Variants in IPP observed in about 807,000 individuals in gnomAD.
The protein encoded by IPP is intracisternal A particle-promoted polypeptide, also known as actin-binding protein IPP.
A neutral mutation model predicts 64.1 loss-of-function variants in IPP; 41 were observed. That is an observed-to-expected ratio of 0.64 (90% CI 0.50 to 0.83). The LOEUF (loss-of-function observed/expected upper bound fraction) is 0.83, where lower values mean the gene tolerates loss of function less well. Among genes scored for constraint, IPP ranks in the 40% least tolerant of loss-of-function variants. IPP has a pLI of 0.00. For missense variants in IPP, 649 were observed against 703.0 expected, an observed-to-expected ratio of 0.92 and a Z score of 0.87; for synonymous variants, 214 against 235.2, an observed-to-expected ratio of 0.91 and a Z score of 0.83.
chr1:45,740,981 C>T lies in IPP; in HGVS notation c.644G>A (p.Arg215Lys). The change falls in exon 3 of 9, where the codon AGA becomes AAA. Residue 215 changes from arginine to lysine, a missense_variant. Physicochemically the swap from Arg to Lys is conservative, Grantham distance 26. Coordinates refer to ENST00000396478, the MANE Select transcript of IPP (RefSeq NM_005897.3). ...MQWILKDLGK[R>K]RKHVVEVLDP... is the part of the protein sequence containing the mutation. ...TAGCACTTCCACCACATGTTTTCTTCTTTTTCCCAAATCTTTCAGAATCCA... is the reference window on the plus strand; with the variant it reads ...TAGCACTTCCACCACATGTTTTCTTTTTTTTCCCAAATCTTTCAGAATCCA... 1.2e-6 allele frequency: 2 copies of T among 1,613,926 alleles called. No homozygotes were observed. The highest frequency in any genetic ancestry group is 1.1e-5 in the South Asian group (1 of 91,044).
chr1:45,708,283 C>T (rs1051040216), intron 8 of IPP, among the ~76,000 whole-genome samples: 1 of 151,638 alleles, frequency 6.6e-6, no homozygotes, highest in Non-Finnish European at 1.5e-5. Context: ...CCAGGATGCT[C>T]TCAATCTCCT....
chr1:45,730,471 C>T lies in IPP; in HGVS notation c.725-702G>A, dbSNP rs147335769. On this transcript the variant is annotated intron_variant, in intron 3 of 8. Coordinates refer to ENST00000396478, the MANE Select transcript of IPP (RefSeq NM_005897.3). ...CACAAATTCTATACTTACAACGTAACAAAAAAGATATAAAATTATGTCATT... is the reference window on the plus strand; with the variant it reads ...CACAAATTCTATACTTACAACGTAATAAAAAAGATATAAAATTATGTCATT... Among the ~76,000 whole-genome samples the T allele has an allele frequency of 2.8e-3, 426 of 151,740 alleles. 1 individual carries two copies. The highest frequency in any genetic ancestry group is 9.8e-3 in the African/African-American group (406 of 41,406).
intron 5 of IPP, among the ~76,000 whole-genome samples, chr1:45,722,559 T>A (rs1394527513): frequency 3.6e-5 from 4 of 112,588 alleles, no homozygotes; most frequent in African/African-American, 1.2e-4. Flanking sequence ...AATAAAAAAA[T>A]GAAATAAAAA....
At chr1:45,698,561 A>G (rs1322430148), downstream of IPP, 2 of 410,696 alleles carry the variant, frequency 4.9e-6, no homozygotes, top group Admixed American at 6.4e-5. Context: ...AGCCCTCTAC[A>G]TCCAAGCAGT....
Position 45,724,899 on chromosome 1 carries a change from G to GC in IPP, c.1048+2731dup, listed in dbSNP as rs1420923569. 4.8e-5 allele frequency among the ~76,000 whole-genome samples: 7 copies of GC among 147,184 alleles called. No homozygotes were observed. The South Asian group carries it at 6.6e-4, about 14-fold the overall frequency. On this transcript the variant is annotated intron_variant, in intron 5 of 8. Transcript: ENST00000396478. ...TCGGGGAGGGAGGTGGGGGGGGTCA[G>GC]CCCCCCGCCCGGCCAGCCGCCCCGT...
chr1:45,694,443 A>G, downstream of IPP: 3 of 1,526,720 alleles, frequency 2.0e-6, no homozygotes, highest in Non-Finnish European at 2.7e-6. Context: ...CCCCTTTGTT[A>G]GAGTCTTGTG....
At chr1:45,744,262 C>T (rs1018717173) in intron 2 of IPP, among the ~76,000 whole-genome samples, 3 of 152,092 alleles carry the variant, frequency 2.0e-5, no homozygotes, top group African/African-American at 7.2e-5. Context: ...AGTGATCATC[C>T]CATCTCAGCC....
intron 3 of IPP, among the ~76,000 whole-genome samples, chr1:45,734,254 C>T (rs866313143): frequency 3.3e-5 from 5 of 152,042 alleles, no homozygotes; most frequent in African/African-American, 1.2e-4. Context: ...TAATGATTTT[C>T]ATCTTTTGTC....
At chr1:45,716,095 T>C (rs1284084483) in intron 7 of IPP, among the ~76,000 whole-genome samples, 1 of 152,184 alleles carries the variant, frequency 6.6e-6, no homozygotes. Flanking sequence ...CTCAAGAGTA[T>C]AGTAGACAAT....
chr1:45,730,347 G>T (rs1489036066), intron 3 of IPP, among the ~76,000 whole-genome samples: 2 of 149,672 alleles, frequency 1.3e-5, no homozygotes, highest in Non-Finnish European at 3.0e-5. Context: ...GTGAGATTCT[G>T]TCTCAAAAAT....
chr1:45,731,704 G>C (rs1189205989), intron 3 of IPP, among the ~76,000 whole-genome samples: 3 of 151,948 alleles, frequency 2.0e-5, no homozygotes, highest in Non-Finnish European at 4.4e-5. Flanking sequence ...GGGAGGCCGA[G>C]GGGGGTGAAT....
rs1006602465 is a variant in IPP at position 45,699,165 on chromosome 1, C to T, written c.*801G>A. The T allele has an allele frequency of 3.0e-6, 3 of 985,262 alleles. No homozygotes were observed. The African/African-American group carries it at 5.2e-5, about 17-fold the overall frequency. 61.0% of individuals were successfully genotyped at this position (985,262 alleles called of 1,614,324 possible). A position where few individuals can be genotyped will look rare whatever the true frequency, so the allele number is the denominator to read the frequency against. ...GACAAAAAATATGAGCAAGCAAAAACTTATCATCAAGCAAAAAGGTATCTA... is the reference window on the plus strand; with the variant it reads ...GACAAAAAATATGAGCAAGCAAAAATTTATCATCAAGCAAAAAGGTATCTA... On this transcript the variant is annotated 3_prime_UTR_variant, in exon 9 of 9. Coordinates refer to ENST00000396478, the MANE Select transcript of IPP (RefSeq NM_005897.3).
intron 2 of IPP, among the ~76,000 whole-genome samples, chr1:45,743,294 G>C (rs1301578335): frequency 6.7e-6 from 1 of 149,820 alleles, no homozygotes; most frequent in Admixed American, 6.7e-5. Context: ...CTAGAGTACA[G>C]TGGCATGGTC....
intron 3 of IPP, among the ~76,000 whole-genome samples, chr1:45,735,423 CTTTATTTTTTATCTTAT>C (rs1388924222): frequency 2.3e-5 from 3 of 130,322 alleles, no homozygotes; most frequent in Non-Finnish European, 3.4e-5. Flanking sequence ...CAAGGTCTTG[CTTTATTTTTTATCTTAT>C]TTTATTTTTT....
At chr1:45,739,330 C>G (rs1306676666) in intron 3 of IPP, among the ~76,000 whole-genome samples, 3 of 151,594 alleles carry the variant, frequency 2.0e-5, no homozygotes, top group African/African-American at 7.3e-5. Flanking sequence ...ACCTCCTGGA[C>G]TCAGGTGATC....
At chr1:45,713,461 G>C (rs544641782) in intron 8 of IPP, among the ~76,000 whole-genome samples, 1 of 152,172 alleles carries the variant, frequency 6.6e-6, no homozygotes, top group East Asian at 1.9e-4. Flanking sequence ...TCAAGAGGTT[G>C]AGGCAGGAGA....
At chr1:45,747,858 A>T (rs932568201) in intron 1 of IPP, among the ~76,000 whole-genome samples, 1 of 148,338 alleles carries the variant, frequency 6.7e-6, no homozygotes, top group Admixed American at 6.7e-5. Flanking sequence ...AAAAAAAAAA[A>T]AAAAAAAAAC....
intron 2 of IPP, among the ~76,000 whole-genome samples, chr1:45,745,852 G>C (rs559953758): frequency 6.6e-6 from 1 of 152,016 alleles, no homozygotes; most frequent in Non-Finnish European, 1.5e-5. Context: ...GCGACAGAGA[G>C]AGACTCCATC....
chr1:45,724,587 C>T (rs556360544), intron 5 of IPP, among the ~76,000 whole-genome samples: 75 of 142,518 alleles, frequency 5.3e-4, no homozygotes, highest in African/African-American at 9.1e-4. Context: ...CGTCTCTGCC[C>T]GGCCGCCCAT....
Sources: allele counts gnomAD v4.1 joint callset (sites outside exome capture counted in the v4.1 genomes callset), GRCh38; gene constraint gnomAD v4.1.1; transcripts MANE v1.5; gene names NCBI Gene and HGNC (gene_info 2026-07-23, HGNC 2026-07-21).